FGD4: variants seen among roughly 807,000 people sequenced by gnomAD.
FGD4 encodes FYVE, RhoGEF and PH domain-containing protein 4.
Under a neutral mutation model 102.0 loss-of-function variants are expected in FGD4, and 42 were observed. The ratio of observed to expected loss-of-function variants is 0.41; its 90% CI spans 0.32 to 0.53. The LOEUF (loss-of-function observed/expected upper bound fraction) is 0.53. FGD4 is among the 20% of genes least tolerant of loss of function. The probability of loss-of-function intolerance (pLI) is 0.21; values close to 1 mark genes in which losing one functional copy is unlikely to be tolerated. For missense variants in FGD4, 902 were observed against 1,078.2 expected, an observed-to-expected ratio of 0.84 and a Z score of 2.29; for synonymous variants, 380 against 375.7, an observed-to-expected ratio of 1.01 and a Z score of -0.13.
At position 32,579,005 on chromosome 12, in the gene FGD4, T is replaced by A. The variant is rs1946359271; in HGVS notation, c.503+2556T>A. ...AGGAACCACTTTAAGATTTTAGAAA[T>A]AAGAATATGTTTCTACAGACCTGAA... On this transcript the variant is annotated intron_variant, in intron 3 of 16. Coordinates refer to ENST00000534526, the MANE Select transcript of FGD4 (RefSeq NM_001370298.3). Among the ~76,000 whole-genome samples the A allele has an allele frequency of 1.4e-5, 2 of 146,826 alleles. 1 individual carries two copies. Among genetic ancestry groups the A allele is most frequent in the African/African-American group, 5.0e-5 (2 of 39,918 alleles).
intron 1 of FGD4, among the ~76,000 whole-genome samples, chr12:32,480,722 C>CAA (rs1565766917): frequency 1.3e-4 from 19 of 150,576 alleles, no homozygotes; most frequent in African/African-American, 1.5e-4. Context: ...GATGCTCTTG[C>CAA]TCTCCTGACC....
At chr12:32,598,377 C>T (rs1382127336) in intron 4 of FGD4, 120 bp from the exon 5 acceptor site, 10 of 676,622 alleles carry the variant, frequency 1.5e-5, no homozygotes, top group East Asian at 7.9e-5. Context: ...CTGAAAGAAC[C>T]GAGTAACTGA....
intron 1 of FGD4, among the ~76,000 whole-genome samples, chr12:32,559,461 G>A (rs756004644): frequency 2.0e-4 from 30 of 152,194 alleles, no homozygotes; most frequent in Non-Finnish European, 4.1e-4. Flanking sequence ...GTTTAAAAAT[G>A]TAAATGTTCT....
chr12:32,633,830 C>G, intron 15 of FGD4, 141 bp downstream of exon 15: 1 of 733,914 alleles, frequency 1.4e-6, no homozygotes. Flanking sequence ...ATTACAGGCC[C>G]ACGCCACCAT....
At chr12:32,504,441 GCTT>G (rs1938510562) in intron 1 of FGD4, among the ~76,000 whole-genome samples, 1 of 152,188 alleles carries the variant, frequency 6.6e-6, no homozygotes, top group South Asian at 2.1e-4. Flanking sequence ...CATGCACACA[GCTT>G]CTTATAGTAG....
chr12:32,576,244 A>C, intron 2 of FGD4, 22 bp from the exon 3 acceptor site: 1 of 1,555,556 alleles, frequency 6.4e-7, no homozygotes, highest in Non-Finnish European at 8.7e-7. Context: ...GTGAAATACT[A>C]TATTCTATTC....
At chr12:32,496,465 T>C (rs951648224) in intron 1 of FGD4, among the ~76,000 whole-genome samples, 3 of 152,246 alleles carry the variant, frequency 2.0e-5, no homozygotes, top group Non-Finnish European at 2.9e-5. Flanking sequence ...GAGTTAAAAG[T>C]CTTTATTTCT....
At chr12:32,599,425 C>T (rs1210710418) in intron 5 of FGD4, among the ~76,000 whole-genome samples, 1 of 106,330 alleles carries the variant, frequency 9.4e-6, no homozygotes, top group African/African-American at 4.6e-5. Flanking sequence ...ACCCGGGAGG[C>T]GGAGCTTGCA....
Position 32,583,668 on chromosome 12 carries a change from TAAGA to T in FGD4, c.1011+1206_1011+1209del, listed in dbSNP as rs370695106. ...TTCTGCTCATATGCACAATGTCAGC[TAAGA>T]AAGAGCTGATTTGCTGGTGAAACAT... On this transcript the variant is annotated intron_variant, in intron 4 of 16. Transcript: ENST00000534526. Among the ~76,000 whole-genome samples the T allele has an allele frequency of 6.4e-4, 98 of 152,296 alleles. 2 individuals are homozygous for T. The East Asian group carries it at 0.011, about 17-fold the overall frequency.
intron 1 of FGD4, among the ~76,000 whole-genome samples, chr12:32,499,327 C>T (rs568125157): frequency 7.9e-5 from 12 of 152,254 alleles, no homozygotes; most frequent in Admixed American, 3.9e-4. Context: ...AATTAGATTC[C>T]GGGCAGTGTG....
intron 1 of FGD4, among the ~76,000 whole-genome samples, chr12:32,443,828 T>C (rs1284725242): frequency 6.6e-6 from 1 of 151,098 alleles, no homozygotes; most frequent in Admixed American, 6.6e-5. Flanking sequence ...AAGTTCAGTG[T>C]TTTGTATTTT....
intron 1 of FGD4, among the ~76,000 whole-genome samples, chr12:32,470,309 A>G (rs1332779413): frequency 6.6e-6 from 1 of 152,172 alleles, no homozygotes; most frequent in Non-Finnish European, 1.5e-5. Flanking sequence ...AGGAGCAGGC[A>G]TAAGGCAGCA....
At chr12:32,566,531 G>C (rs1945203037) in intron 2 of FGD4, among the ~76,000 whole-genome samples, 3 of 152,068 alleles carry the variant, frequency 2.0e-5, no homozygotes, top group Non-Finnish European at 2.9e-5. Context: ...CTATATTGCT[G>C]CATTTCTTCC....
At position 32,544,731 on chromosome 12, in the gene FGD4, C is replaced by T. The variant is rs1474238738; in HGVS notation, c.167-19406C>T. On this transcript the variant is annotated intron_variant, in intron 1 of 16. Transcript: ENST00000534526. The surrounding 1 kb of genome is among the most constrained non-coding windows in gnomAD (Gnocchi z 4.1). ...TGGTGACAGAAGGATACTCTGTCTC[C>T]AAAAAAAAAAAATTACTATTAAAAT... Among the ~76,000 whole-genome samples the T allele has an allele frequency of 7.0e-6, 1 of 143,614 alleles. No individual in the cohort carries two copies. The highest frequency in any genetic ancestry group is 1.5e-5 in the Non-Finnish European group (1 of 64,814). 94.2% of individuals were successfully genotyped at this position (143,614 alleles called of 152,430 possible).
rs764102240 is a variant in FGD4 at position 32,552,798 on chromosome 12, A to G, written c.167-11339A>G. 1.1e-4 allele frequency among the ~76,000 whole-genome samples: 15 copies of G among 137,254 alleles called. No individual in the cohort carries two copies. In the South Asian group the frequency reaches 3.7e-3, roughly 34 times the overall value. The allele number at this position is 137,254 out of a possible 152,430, so 90.0% of individuals were successfully genotyped here. On this transcript the variant is annotated intron_variant, in intron 1 of 16. Transcript: ENST00000534526. ...ATGGAGTGTACCTTTTTTTTTTTTG[A>G]CAGAGTTTCGCTCTTGTTGCCTAGG...
At chr12:32,401,395 G>C (rs1349229250) in intron 1 of FGD4, among the ~76,000 whole-genome samples, 1 of 151,996 alleles carries the variant, frequency 6.6e-6, no homozygotes, top group Admixed American at 6.5e-5. Flanking sequence ...AAGTAGCTGG[G>C]ATTGCAAGCA....
At chr12:32,635,078 AC>A (rs1230493017) in intron 15 of FGD4, among the ~76,000 whole-genome samples, 1 of 152,242 alleles carries the variant, frequency 6.6e-6, no homozygotes, top group East Asian at 1.9e-4. Flanking sequence ...TTACAAGTGT[AC>A]AAAGGTCACT....
chr12:32,412,896 G>GA, intron 1 of FGD4, among the ~76,000 whole-genome samples: 1 of 89,480 alleles, frequency 1.1e-5, no homozygotes, highest in Admixed American at 1.2e-4. Flanking sequence ...CCCTTTTCTA[G>GA]AAATTTTTTT....
chr12:32,546,880 A>G (rs1306408382), intron 1 of FGD4, among the ~76,000 whole-genome samples: 1 of 152,226 alleles, frequency 6.6e-6, no homozygotes, highest in Non-Finnish European at 1.5e-5. Flanking sequence ...GAAACAGGCA[A>G]GGTAATCTGG....
Sources: gnomAD v4.1 joint callset for allele counts (sites outside exome capture counted in the v4.1 genomes callset) on GRCh38, gnomAD v4.1.1 for gene constraint, Gnocchi (gnomAD v3.1) non-coding constraint, MANE v1.5 for transcripts, NCBI Gene and HGNC (gene_info 2026-07-23, HGNC 2026-07-21) for gene names.